NT5DC3: variants seen among roughly 807,000 people sequenced by gnomAD.
NT5DC3 encodes 5'-nucleotidase domain-containing protein 3.
A neutral mutation model predicts 67.8 loss-of-function variants in NT5DC3; 42 were observed. That is an observed-to-expected ratio of 0.62 (90% CI 0.48 to 0.80). NT5DC3 has a LOEUF of 0.80. NT5DC3 is among the 30% of genes least tolerant of loss of function. The pLI is 0.00. For synonymous variants in NT5DC3, 237 were observed against 255.6 expected (o/e 0.93, Z 0.69); for missense variants, 570 against 696.4 (o/e 0.82, Z 2.04).
intron 1 of NT5DC3, among the ~76,000 whole-genome samples, chr12:103,819,414 A>G (rs80023709): frequency 0.1 from 15,464 of 152,318 alleles, 1,127 homozygotes; most frequent in East Asian, 0.29. Flanking sequence ...AGTCACTTAC[A>G]CACTTTCTCA....
At chr12:103,780,239 T>G (rs1885493530) in intron 13 of NT5DC3, 61 bp downstream of exon 13, 1 of 1,409,476 alleles carries the variant, frequency 7.1e-7, no homozygotes, top group Non-Finnish European at 1.0e-6. Flanking sequence ...GGAACACATG[T>G]GGGCTGAGCA....
intron 1 of NT5DC3, among the ~76,000 whole-genome samples, chr12:103,831,841 T>A (rs10861114): frequency 0.18 from 27,027 of 147,868 alleles, 2,646 homozygotes; most frequent in Middle Eastern, 0.31. Context: ...AGCGGTGTGA[T>A]CTCGGCTCAC....
intron 6 of NT5DC3, among the ~76,000 whole-genome samples, chr12:103,794,550 G>A (rs1425489307): frequency 6.6e-6 from 1 of 152,212 alleles, no homozygotes; most frequent in Non-Finnish European, 1.5e-5. Context: ...GCTTGGAAGA[G>A]GTAATTTCTG....
chr12:103,839,747 AACTCTTGGCAAAGG>A lies in NT5DC3; in HGVS notation c.208+1188_208+1201del, dbSNP rs530441776. Among the ~76,000 whole-genome samples, 43 of 152,308 alleles carry A rather than the reference AACTCTTGGCAAAGG, an allele frequency of 2.8e-4. No homozygotes were observed. The East Asian group carries it at 6.6e-3, about 23-fold the overall frequency. ...CAGCTTCAAAAGCCAAAGCAAAATT[AACTCTTGGCAAAGG>A]GAAACTAAGAAAGTAAGCCACCATT... On this transcript the variant is annotated intron_variant, in intron 1 of 13. Coordinates refer to ENST00000392876, the MANE Select transcript of NT5DC3 (RefSeq NM_001031701.3).
At chr12:103,750,755 C>T in the NT5DC3 span, 2 of 1,591,002 alleles carry the variant, frequency 1.3e-6, no homozygotes, top group African/African-American at 2.7e-5. Context: ...CCAAAGCACC[C>T]TCCTCTTCAG....
Position 103,777,992 on chromosome 12 carries a change from CGCGACAG to C in NT5DC3, c.1477_1483del (p.Leu493AlafsTer10), listed in dbSNP as rs780042308. On this transcript the variant is annotated frameshift_variant, in exon 14 of 14. Coordinates refer to ENST00000392876, the MANE Select transcript of NT5DC3 (RefSeq NM_001031701.3). LOFTEE classifies it high-confidence loss of function. ...AGACGCCATGTAGATGTCAGCGAAG[CGCGACAG>C]GCGCCTTAGGAAGTAGGTTGGGTTC... 3 of 1,614,170 alleles carry C rather than the reference CGCGACAG, an allele frequency of 1.9e-6. No homozygotes were observed. The South Asian group carries it at 3.3e-5, about 18-fold the overall frequency.
chr12:103,797,687 AT>A (rs1201515077), intron 5 of NT5DC3, among the ~76,000 whole-genome samples: 1 of 152,174 alleles, frequency 6.6e-6, no homozygotes, highest in African/African-American at 2.4e-5. Context: ...ATTATTGCCC[AT>A]AATGACATTA....
intron 1 of NT5DC3, among the ~76,000 whole-genome samples, chr12:103,823,711 T>C (rs1159546998): frequency 6.6e-6 from 1 of 151,644 alleles, no homozygotes; most frequent in Non-Finnish European, 1.5e-5. Flanking sequence ...GGTTTCAAAA[T>C]TTCTTTTAAA....
the NT5DC3 span, chr12:103,762,217 C>T: frequency 6.3e-7 from 1 of 1,598,460 alleles, no homozygotes; most frequent in Non-Finnish European, 8.5e-7. Context: ...CCAAGGGTTC[C>T]CCTTTTGGGG....
the NT5DC3 span, chr12:103,750,841 A>G: frequency 2.2e-6 from 3 of 1,352,444 alleles, no homozygotes; most frequent in African/African-American, 2.9e-5. Context: ...CTGTAATCCC[A>G]ATACTTTGGG....
In NT5DC3 at chr12:103,828,354, C is replaced by T. The variant is rs114671282; in HGVS notation, c.208+12595G>A. On this transcript the variant is annotated intron_variant, in intron 1 of 13. Transcript: ENST00000392876. ...ACTCTATGACCTCCAGAGGCCCCTC[C>T]ACTGGCCAGAGTCTTAGGTTCTCCT... Among the ~76,000 whole-genome samples the T allele has an allele frequency of 3.6e-3, 544 of 152,330 alleles. 4 individuals are homozygous for T. The highest frequency in any genetic ancestry group is 0.012 in the African/African-American group (511 of 41,578).
At chr12:103,805,185 G>A (rs1886746232) in intron 4 of NT5DC3, among the ~76,000 whole-genome samples, 1 of 152,162 alleles carries the variant, frequency 6.6e-6, no homozygotes, top group African/African-American at 2.4e-5. Context: ...GTGGGAGGAG[G>A]TGCCAGAAAG....
chr12:103,750,707 C>T, the NT5DC3 span: 1 of 1,613,610 alleles, frequency 6.2e-7, no homozygotes, highest in Non-Finnish European at 8.5e-7. Flanking sequence ...AATGTGTCGA[C>T]CTCCACTTCC....
chr12:103,787,303 T>C (rs1367227745), intron 11 of NT5DC3, 138 bp downstream of exon 11: 1 of 458,046 alleles, frequency 2.2e-6, no homozygotes, highest in Non-Finnish European at 3.8e-6. Context: ...TACTTTTAGG[T>C]TTTATGAAAG....
chr12:103,751,766 GAC>G, the NT5DC3 span, among the ~76,000 whole-genome samples: 1 of 152,132 alleles, frequency 6.6e-6, no homozygotes, highest in African/African-American at 2.4e-5. Flanking sequence ...AATCTACCCA[GAC>G]CATAGAGTGT....
the NT5DC3 span, among the ~76,000 whole-genome samples, chr12:103,748,570 G>T: frequency 6.8e-6 from 1 of 147,660 alleles, no homozygotes; most frequent in East Asian, 2.0e-4. Flanking sequence ...GCTCAATATT[G>T]TACTAACTCT....
downstream of NT5DC3, among the ~76,000 whole-genome samples, chr12:103,765,859 C>T (rs1345860448): frequency 1.3e-5 from 2 of 152,162 alleles, no homozygotes; most frequent in Non-Finnish European, 2.9e-5. Context: ...GTTTCTATTA[C>T]ACTCTCTCAG....
At chr12:103,801,893 C>G (rs183906426) in intron 4 of NT5DC3, among the ~76,000 whole-genome samples, 1 of 152,178 alleles carries the variant, frequency 6.6e-6, no homozygotes, top group Non-Finnish European at 1.5e-5. Flanking sequence ...TGCAGGTATG[C>G]TTCATCTTCA....
intron 4 of NT5DC3, 103 bp from the exon 5 acceptor site, chr12:103,798,780 T>C (rs922092746): frequency 1.2e-6 from 1 of 801,594 alleles, no homozygotes; most frequent in Non-Finnish European, 2.1e-6. Context: ...TGCAAGGCAC[T>C]GTCATCATGA....
Sources: allele counts gnomAD v4.1 joint callset (sites outside exome capture counted in the v4.1 genomes callset), GRCh38; gene constraint gnomAD v4.1.1; transcripts MANE v1.5; gene names NCBI Gene and HGNC (gene_info 2026-07-23, HGNC 2026-07-21).